LRIF1: variants seen among roughly 807,000 people sequenced by gnomAD.
LRIF1 encodes ligand-dependent nuclear receptor-interacting factor 1.
Under a neutral mutation model 52.7 loss-of-function variants are expected in LRIF1, and 32 were observed. That is an observed-to-expected ratio of 0.61 (90% CI 0.46 to 0.82). The LOEUF is 0.82. LRIF1 is among the 40% of genes least tolerant of loss of function. LRIF1 has a pLI of 0.00. For synonymous variants in LRIF1, 323 were observed against 317.4 expected, an observed-to-expected ratio of 1.02 and a Z score of -0.19; for missense variants, 887 against 892.0, an observed-to-expected ratio of 0.99 and a Z score of 0.07.
At chr1:110,927,509 G>C in the LRIF1 span, among the ~76,000 whole-genome samples, 61 of 152,288 alleles carry the variant, frequency 4.0e-4, no homozygotes, top group African/African-American at 1.4e-3. Flanking sequence ...GTATGGGTGG[G>C]CTCCAGTAGC....
the LRIF1 span, among the ~76,000 whole-genome samples, chr1:110,902,201 A>G: frequency 6.6e-6 from 1 of 152,186 alleles, no homozygotes; most frequent in East Asian, 1.9e-4. Flanking sequence ...AAACTCTTCA[A>G]TGACTCTGTT....
At chr1:110,900,758 A>ACC in the LRIF1 span, among the ~76,000 whole-genome samples, 366 of 151,866 alleles carry the variant, frequency 2.4e-3, 3 homozygotes, top group African/African-American at 8.5e-3. Context: ...CTCAAAAAAA[A>ACC]AAAAAAACAA....
At chr1:110,880,674 G>T in the LRIF1 span, among the ~76,000 whole-genome samples, 1 of 152,190 alleles carries the variant, frequency 6.6e-6, no homozygotes. Flanking sequence ...TGACTCTGCA[G>T]TGTCATGTTC....
At chr1:110,933,933 T>A in the LRIF1 span, among the ~76,000 whole-genome samples, 38 of 152,258 alleles carry the variant, frequency 2.5e-4, no homozygotes, top group African/African-American at 8.9e-4. Flanking sequence ...AGAGACCCCT[T>A]CCTTCTGCCT....
intron 1 of LRIF1, among the ~76,000 whole-genome samples, chr1:110,957,470 C>CAAAAAAAAAAAAAAAAAAAAAAAAAA (rs34396800): frequency 1.2e-4 from 5 of 42,790 alleles, no homozygotes; most frequent in East Asian, 9.1e-4. Context: ...GACTCAGTCT[C>CAAAAAAAAAAAAAAAAAAAAAAAAAA]AAAAAAAAAA....
chr1:110,922,573 A>G, the LRIF1 span, among the ~76,000 whole-genome samples: 2 of 152,276 alleles, frequency 1.3e-5, no homozygotes, highest in African/African-American at 4.8e-5. Context: ...AGGAAACGTG[A>G]TTAATAAAAT....
chr1:110,913,602 C>T, the LRIF1 span, among the ~76,000 whole-genome samples: 2 of 152,116 alleles, frequency 1.3e-5, no homozygotes, highest in Non-Finnish European at 2.9e-5. Flanking sequence ...TACCATCTCA[C>T]GCCAGTCAGA....
the LRIF1 span, among the ~76,000 whole-genome samples, chr1:110,907,616 T>A: frequency 1.3e-5 from 2 of 152,190 alleles, no homozygotes; most frequent in South Asian, 2.1e-4. Flanking sequence ...ACACCTGTAA[T>A]TCCAGCTACT....
In LRIF1 at chr1:110,963,740, C is replaced by A; in HGVS notation, c.-52G>T. The stretch of plus-strand genomic sequence containing the variant: ...ATCCAGAAAAGTGGGAAGCGTGGGG[C>A]CGAGTTTCCCAATGGGGCGAGAACC... On this transcript the variant is annotated 5_prime_UTR_variant, in exon 1 of 4. Transcript: ENST00000369763. 2 of 1,445,838 alleles carry A rather than the reference C, an allele frequency of 1.4e-6. No homozygotes were observed. The highest frequency in any genetic ancestry group is 1.9e-6 in the Non-Finnish European group (2 of 1,043,224). 89.6% of individuals were successfully genotyped at this position (1,445,838 alleles called of 1,614,324 possible).
chr1:110,945,957 AAC>A (rs1211783365), downstream of LRIF1, among the ~76,000 whole-genome samples: 2 of 152,212 alleles, frequency 1.3e-5, no homozygotes, highest in African/African-American at 2.4e-5. Flanking sequence ...AACATAGTTA[AAC>A]ACAGTTATTG....
intron 3 of LRIF1, 94 bp downstream of exon 3, chr1:110,949,757 A>T: frequency 7.8e-7 from 1 of 1,284,958 alleles, no homozygotes; most frequent in Non-Finnish European, 1.1e-6. Context: ...CATCATTTAT[A>T]CTAATGCACA....
chr1:110,958,446 A>G (rs760018565), intron 1 of LRIF1, among the ~76,000 whole-genome samples: 3 of 104,422 alleles, frequency 2.9e-5, no homozygotes, highest in Non-Finnish European at 5.7e-5. Context: ...TTAATCTATT[A>G]GCTAATTTTT....
chr1:110,902,102 A>G, the LRIF1 span, among the ~76,000 whole-genome samples: 1 of 150,976 alleles, frequency 6.6e-6, no homozygotes, highest in East Asian at 2.0e-4. Flanking sequence ...TCTAGTATTC[A>G]CCATTGGCCC....
the LRIF1 span, among the ~76,000 whole-genome samples, chr1:110,900,152 A>G: frequency 6.6e-6 from 1 of 152,216 alleles, no homozygotes; most frequent in Admixed American, 6.5e-5. Context: ...ACTGCAATCA[A>G]CATGTCAGCC....
chr1:110,953,173 C>T (rs1432196856), intron 1 of LRIF1, among the ~76,000 whole-genome samples: 1 of 152,210 alleles, frequency 6.6e-6, no homozygotes, highest in East Asian at 1.9e-4. Context: ...TGTCCTCCTC[C>T]TCTACTCTAA....
chr1:110,950,680 TGAG>T (rs1255113246), intron 2 of LRIF1, among the ~76,000 whole-genome samples: 2 of 151,920 alleles, frequency 1.3e-5, no homozygotes, highest in Non-Finnish European at 2.9e-5. Flanking sequence ...GGTAACTGGC[TGAG>T]GAGTCACAAA....
At chr1:110,908,180 G>T in the LRIF1 span, among the ~76,000 whole-genome samples, 4 of 152,126 alleles carry the variant, frequency 2.6e-5, no homozygotes, top group African/African-American at 9.7e-5. Flanking sequence ...TAAATATTTA[G>T]ATGTAAAAGA....
chr1:110,910,802 G>C, the LRIF1 span, among the ~76,000 whole-genome samples: 1 of 152,120 alleles, frequency 6.6e-6, no homozygotes, highest in Non-Finnish European at 1.5e-5. Context: ...TCTTTGAAAT[G>C]AATGAAAACA....
the LRIF1 span, among the ~76,000 whole-genome samples, chr1:110,930,605 T>C: frequency 2.0e-5 from 3 of 152,184 alleles, no homozygotes; most frequent in Non-Finnish European, 4.4e-5. Flanking sequence ...TGATCTCAAG[T>C]AACTATAACC....
Sources: gnomAD v4.1 joint callset for allele counts (sites outside exome capture counted in the v4.1 genomes callset) on GRCh38, gnomAD v4.1.1 for gene constraint, MANE v1.5 for transcripts, NCBI Gene and HGNC (gene_info 2026-07-23, HGNC 2026-07-21) for gene names.